RBM23: variants seen among roughly 807,000 people sequenced by gnomAD.
RBM23 encodes probable RNA-binding protein 23.
A neutral mutation model predicts 56.2 loss-of-function variants in RBM23; 53 were observed. That is an observed-to-expected ratio of 0.94 (90% CI 0.76 to 1.19). The LOEUF (loss-of-function observed/expected upper bound fraction) is 1.19. Ranked by LOEUF, RBM23 falls within the 50% of genes most tolerant of loss-of-function variation. The probability of loss-of-function intolerance (pLI) is 0.00; values close to 1 mark genes in which losing one functional copy is unlikely to be tolerated. For missense variants in RBM23, 642 were observed against 590.3 expected, an observed-to-expected ratio of 1.09 and a Z score of -0.91; for synonymous variants, 197 against 198.5, an observed-to-expected ratio of 0.99 and a Z score of 0.06.
intron 2 of RBM23, among the ~76,000 whole-genome samples, chr14:22,910,188 G>A (rs1411485766): frequency 7.9e-5 from 7 of 88,828 alleles, no homozygotes; most frequent in Non-Finnish European, 1.0e-4. Context: ...GAGGCTGGGC[G>A]CAGTGGCTCA....
intron 3 of RBM23, among the ~76,000 whole-genome samples, chr14:22,909,108 A>G (rs1322433226): frequency 6.6e-6 from 1 of 151,746 alleles, no homozygotes; most frequent in Non-Finnish European, 1.5e-5. Flanking sequence ...GCGCCCAGCT[A>G]ATTTTTGTAT....
Position 22,905,227 on chromosome 14 carries a change from A to G in RBM23, c.593T>C (p.Ile198Thr). The part of the protein sequence containing the change: ...AVGKVRDVRI[I>T]SDRNSRRSKG... Reference sequence around the variant, plus strand: ...AGAACGACGTGAGTTCCGATCTGAGATGATACGTACATCGCGAACCTATCC... The same window carrying G: ...AGAACGACGTGAGTTCCGATCTGAGGTGATACGTACATCGCGAACCTATCC... The change falls in exon 8 of 14, where the codon ATC becomes ACC. Residue 198 changes from isoleucine to threonine, a missense_variant. Ile to Thr is a moderately conservative substitution (Grantham distance 89, BLOSUM62 -1). Transcript: ENST00000359890. The G allele has an allele frequency of 6.2e-7, 1 of 1,614,204 alleles. No individual in the cohort carries two copies. The highest frequency in any genetic ancestry group is 8.5e-7 in the Non-Finnish European group (1 of 1,180,036).
chr14:22,916,429 C>A (rs1404713761), intron 1 of RBM23, among the ~76,000 whole-genome samples: 1 of 133,870 alleles, frequency 7.5e-6, no homozygotes, highest in Admixed American at 8.3e-5. Context: ...GCTAACTTTT[C>A]ATATTTTGGG....
rs746403002 is a variant in RBM23, at chr14:22,904,940, CAT to C, written c.797_798del (p.Tyr266CysfsTer10). The C allele has an allele frequency of 4.3e-6, 7 of 1,614,206 alleles. No individual in the cohort carries two copies. In the South Asian group the frequency reaches 7.7e-5, roughly 18 times the overall value. On this transcript the variant is annotated frameshift_variant, in exon 9 of 14. Transcript: ENST00000359890. LOFTEE classifies it high-confidence loss of function. ...QKGNGGPMRL[Y>X]VGSLHFNITE... is the part of the protein sequence containing the mutation. The stretch of plus-strand genomic sequence containing the variant: ...GTGATATTGAAGTGCAGGGAACCCA[CAT>C]AGAGGCGCATTGGTCCACCATTGCC...
At chr14:22,908,997 C>A (rs1043847240) in intron 3 of RBM23, among the ~76,000 whole-genome samples, 5 of 150,856 alleles carry the variant, frequency 3.3e-5, no homozygotes, top group Admixed American at 1.3e-4. Flanking sequence ...GGCTGGAGTG[C>A]GATGGTGCGA....
chr14:22,904,364 T>C (rs760556972), intron 9 of RBM23, 38 bp from the exon 10 acceptor site: 1 of 1,510,118 alleles, frequency 6.6e-7, no homozygotes, highest in East Asian at 2.3e-5. Context: ...AACTTTTGAC[T>C]AGCCCACATC....
intron 2 of RBM23, among the ~76,000 whole-genome samples, chr14:22,910,450 CAAAAAAAAAAAAAAAA>C (rs546748436): frequency 8.4e-5 from 6 of 71,156 alleles, no homozygotes; most frequent in East Asian, 5.8e-4. Flanking sequence ...AACTTCATCT[CAAAAAAAAAAAAAAAA>C]AAAAAAAAAG....
chr14:22,901,572 T>C lies in RBM23; in HGVS notation c.*158A>G, dbSNP rs2138878476. Reference sequence around the variant, plus strand: ...TCCAGTGGGACCATGGGCAGGAGCTTTTCTTGGTATCTTAAGGGTGGCCCC... The same window carrying C: ...TCCAGTGGGACCATGGGCAGGAGCTCTTCTTGGTATCTTAAGGGTGGCCCC... On this transcript the variant is annotated 3_prime_UTR_variant, in exon 14 of 14. Coordinates refer to ENST00000359890, the MANE Select transcript of RBM23 (RefSeq NM_001077351.2). 9.2e-7 allele frequency: 1 copy of C among 1,092,022 alleles called. No individual in the cohort carries two copies. Among genetic ancestry groups the C allele is most frequent in the Non-Finnish European group, 1.3e-6 (1 of 749,836 alleles). 67.6% of individuals were successfully genotyped at this position (1,092,022 alleles called of 1,614,324 possible).
In RBM23 at chr14:22,901,416, T is replaced by G; in HGVS notation, c.*314A>C. On this transcript the variant is annotated 3_prime_UTR_variant, in exon 14 of 14. Coordinates refer to ENST00000359890, the MANE Select transcript of RBM23 (RefSeq NM_001077351.2). ...ATGGCCTTCCCAATGGGGGAGAAAT[T>G]GAGGAATCACTAAGGTGTTGGAAAG... 1 of 494,858 alleles carries G rather than the reference T, an allele frequency of 2.0e-6. No individual in the cohort carries two copies. Among genetic ancestry groups the G allele is most frequent in the East Asian group, 3.3e-5 (1 of 30,264 alleles). 30.7% of individuals were successfully genotyped at this position (494,858 alleles called of 1,614,324 possible).
intron 4 of RBM23, among the ~76,000 whole-genome samples, chr14:22,907,753 A>C (rs1371342734): frequency 3.9e-5 from 6 of 152,202 alleles, no homozygotes; most frequent in Non-Finnish European, 8.8e-5. Flanking sequence ...CTCCTAAAGA[A>C]AGCACTGTTA....
chr14:22,896,204 A>G lies in RBM23; in HGVS notation c.*5526T>C, dbSNP rs2040246291. 1 of 152,194 alleles carries G rather than the reference A, an allele frequency of 6.6e-6. No individual in the cohort carries two copies. The highest frequency in any genetic ancestry group is 1.5e-5 in the Non-Finnish European group (1 of 68,028). The allele number at this position is 152,194 out of a possible 1,614,324, so 9.4% of individuals were successfully genotyped here. A position where few individuals can be genotyped will look rare whatever the true frequency, so the allele number is the denominator to read the frequency against. ...CCAAGTTCCAAACCTTTCTCAATGA[A>G]TTCTCACAACATCCCTATGAGATAG... On this transcript the variant is annotated 3_prime_UTR_variant, in exon 14 of 14. Transcript: ENST00000359890.
At chr14:22,904,222 C>T in intron 10 of RBM23, 39 bp downstream of exon 10, 1 of 1,613,682 alleles carries the variant, frequency 6.2e-7, no homozygotes, top group Non-Finnish European at 8.5e-7. Flanking sequence ...GTGGACAAAC[C>T]CAAAGTAAAA....
chr14:22,914,295 A>G (rs1488301912), intron 1 of RBM23, among the ~76,000 whole-genome samples: 28 of 144,984 alleles, frequency 1.9e-4, no homozygotes, highest in African/African-American at 7.2e-4. Flanking sequence ...ACTGCACTCC[A>G]GCCTGGTGAC....
intron 1 of RBM23, among the ~76,000 whole-genome samples, chr14:22,912,772 G>A (rs569402898): frequency 6.6e-5 from 10 of 151,496 alleles, no homozygotes; most frequent in Admixed American, 4.6e-4. Flanking sequence ...GGCAGATCAC[G>A]AGGTCAACGA....
Position 22,896,058 on chromosome 14 carries a change from A to G in RBM23, c.*5672T>C, listed in dbSNP as rs2040243629. On this transcript the variant is annotated 3_prime_UTR_variant, in exon 14 of 14. Coordinates refer to ENST00000359890, the MANE Select transcript of RBM23 (RefSeq NM_001077351.2). ...TTAAAAATGAAGATTTATTTTCACC[A>G]TTGCACTGCCCTTGCTTTTCCCCAT... 1 of 152,160 alleles carries G rather than the reference A, an allele frequency of 6.6e-6. No individual in the cohort carries two copies. Among genetic ancestry groups the G allele is most frequent in the Non-Finnish European group, 1.5e-5 (1 of 68,026 alleles). The allele number at this position is 152,160 out of a possible 1,614,324, so 9.4% of individuals were successfully genotyped here.
In RBM23 at chr14:22,895,370, TAAAAA is replaced by T. The variant is rs1443965079; in HGVS notation, c.*6355_*6359del. The T allele has an allele frequency of 1.3e-5, 2 of 151,258 alleles. No individual in the cohort carries two copies. The highest frequency in any genetic ancestry group is 6.6e-5 in the Admixed American group (1 of 15,190). 9.4% of individuals were successfully genotyped at this position (151,258 alleles called of 1,614,324 possible). The stretch of plus-strand genomic sequence containing the variant: ...GCGAAACTCCATCTCAAAGAAAAAA[TAAAAA>T]TAAATAAATAAAAAAAATACTTATT... On this transcript the variant is annotated 3_prime_UTR_variant, in exon 14 of 14. Coordinates refer to ENST00000359890, the MANE Select transcript of RBM23 (RefSeq NM_001077351.2).
chr14:22,906,338 C>T lies in RBM23; in HGVS notation c.258G>A (p.Arg86=). The T allele has an allele frequency of 6.2e-7, 1 of 1,614,212 alleles. No homozygotes were observed. ...CTGGACTTCGGCTCCGACTATTTCT[C>T]CGTCTATACCGATCCCGATCTCGAC... ...SRSRDRDRYR[R]RNSRSRSPGR... is the part of the protein sequence containing the mutation. Residue 86 remains arginine (R), a synonymous_variant, in exon 5 of 14, where the codon CGG becomes CGA. Coordinates refer to ENST00000359890, the MANE Select transcript of RBM23 (RefSeq NM_001077351.2).
intron 1 of RBM23, among the ~76,000 whole-genome samples, chr14:22,916,459 A>G (rs1384164413): frequency 6.9e-6 from 1 of 145,054 alleles, no homozygotes; most frequent in Non-Finnish European, 1.5e-5. Context: ...TTTTTCTGGT[A>G]GAGACATGGT....
In RBM23 at chr14:22,901,680, G is replaced by T; in HGVS notation, c.*50C>A. On this transcript the variant is annotated 3_prime_UTR_variant, in exon 14 of 14. Transcript: ENST00000359890. ...AATGGGGCCATGGAAGAGTAGATGT[G>T]AAGTGGCAGGATCCAGAGGCACAAG... is the stretch of plus-strand genomic sequence containing the variant. The T allele has an allele frequency of 6.3e-7, 1 of 1,595,946 alleles. No individual in the cohort carries two copies. Among genetic ancestry groups the T allele is most frequent in the Non-Finnish European group, 8.6e-7 (1 of 1,163,546 alleles).
Sources: gnomAD v4.1 joint callset for allele counts (sites outside exome capture counted in the v4.1 genomes callset) on GRCh38, gnomAD v4.1.1 for gene constraint, MANE v1.5 for transcripts, NCBI Gene and HGNC (gene_info 2026-07-23, HGNC 2026-07-21) for gene names.